The following GRIA4 variants were observed in gnomAD, a reference collection of about 807,000 sequenced individuals.
The protein encoded by GRIA4 is glutamate ionotropic receptor AMPA type subunit 4, also known as glutamate receptor 4.
In GRIA4, 34 loss-of-function variants were observed where a neutral mutation model predicts 104.0. The ratio of observed to expected loss-of-function variants is 0.33; its 90% CI spans 0.25 to 0.44. The LOEUF (loss-of-function observed/expected upper bound fraction) is 0.44, where lower values mean the gene tolerates loss of function less well. Among genes scored for constraint, GRIA4 ranks in the 20% least tolerant of loss-of-function variants. GRIA4 has a pLI of 1.00. For synonymous variants in GRIA4, 386 were observed against 381.9 expected (o/e 1.01, Z -0.13); for missense variants, 750 against 1,096.5 (o/e 0.68, Z 4.46).
In GRIA4 at chr11:105,643,371, A is replaced by C. The variant is rs142851569; in HGVS notation, c.247+30937A>C. Among the ~76,000 whole-genome samples the C allele has an allele frequency of 2.7e-3, 409 of 152,254 alleles. 1 individual carries two copies. The highest frequency in any genetic ancestry group is 9.5e-3 in the African/African-American group (396 of 41,560). On this transcript the variant is annotated intron_variant, in intron 3 of 16. Transcript: ENST00000282499. ...AGAAGATCCTATAGGATTCCTTAACATTGTTTTACTTTAGGAAATAATTGT... is the reference window on the plus strand; with the variant it reads ...AGAAGATCCTATAGGATTCCTTAACCTTGTTTTACTTTAGGAAATAATTGT...
chr11:105,912,207 T>C, intron 10 of GRIA4: 1 of 994,876 alleles, frequency 1.0e-6, no homozygotes, highest in Non-Finnish European at 1.2e-6. Flanking sequence ...GATGGAATTA[T>C]ATCACTCCAT....
At chr11:105,640,449 A>G (rs1951327240) in intron 3 of GRIA4, among the ~76,000 whole-genome samples, 1 of 151,922 alleles carries the variant, frequency 6.6e-6, no homozygotes, top group Non-Finnish European at 1.5e-5. Context: ...AAAAATGCAC[A>G]TACTAATTTT....
At position 105,887,529 on chromosome 11, in the gene GRIA4, T is replaced by C. The variant is rs1946307104; in HGVS notation, c.683T>C (p.Val228Ala). The C allele has an allele frequency of 2.1e-6, 3 of 1,416,458 alleles. No individual in the cohort carries two copies. Among genetic ancestry groups the C allele is most frequent in the Non-Finnish European group, 3.0e-6 (3 of 1,012,036 alleles). The allele number at this position is 1,416,458 out of a possible 1,614,324, so 87.7% of individuals were successfully genotyped here. Residue 228 changes from valine to alanine, a missense_variant, in exon 6 of 17, where the codon GTT becomes GCT. By Grantham distance (64) the Val-to-Ala change is moderately conservative. This residue lies in a region of GRIA4 where 410 missense variants were observed against 502.7 expected (regional missense o/e 0.82). Coordinates refer to ENST00000282499, the MANE Select transcript of GRIA4 (RefSeq NM_000829.4). The stretch of plus-strand genomic sequence containing the variant: ...CTTATATCTTCACAGATTGTAAGTG[T>C]TGGAAAGCATGTTAAAGGCTACCAT... ...LQNILEQIVS[V>A]GKHVKGYHYI...
chr11:105,854,239 G>A (rs914276404), intron 4 of GRIA4, among the ~76,000 whole-genome samples: 1 of 152,116 alleles, frequency 6.6e-6, no homozygotes, highest in Admixed American at 6.6e-5. Flanking sequence ...AAGAGGAATA[G>A]AAAAGCACAG....
chr11:105,865,240 C>T lies in GRIA4; in HGVS notation c.672+3032C>T, dbSNP rs547564494. 4.6e-5 allele frequency among the ~76,000 whole-genome samples: 7 copies of T among 152,276 alleles called. No homozygotes were observed. The South Asian group carries it at 1.4e-3, about 32-fold the overall frequency. On this transcript the variant is annotated intron_variant, in intron 5 of 16. Coordinates refer to ENST00000282499, the MANE Select transcript of GRIA4 (RefSeq NM_000829.4). Reference sequence around the variant, plus strand: ...GAAGAATGTATGTAAATATCACCCACTGAGTCATTTAAGAGAGTAGAAACA... The same window carrying T: ...GAAGAATGTATGTAAATATCACCCATTGAGTCATTTAAGAGAGTAGAAACA...
At chr11:105,804,215 C>A (rs1188966949) in intron 4 of GRIA4, among the ~76,000 whole-genome samples, 2 of 151,636 alleles carry the variant, frequency 1.3e-5, no homozygotes, top group Non-Finnish European at 2.9e-5. Flanking sequence ...TTTTTCTTAG[C>A]CTTTGAGGCA....
chr11:105,787,636 T>C (rs187812549), intron 4 of GRIA4, among the ~76,000 whole-genome samples: 2 of 147,446 alleles, frequency 1.4e-5, no homozygotes, highest in Admixed American at 6.8e-5. Context: ...CCACCAAGCC[T>C]GGCTAATTTT....
chr11:105,705,621 G>A (rs542735555), intron 3 of GRIA4, among the ~76,000 whole-genome samples: 1 of 152,234 alleles, frequency 6.6e-6, no homozygotes, highest in African/African-American at 2.4e-5. Flanking sequence ...GAGAGAGAGA[G>A]AGAGAGCTTA....
At chr11:105,658,714 G>A (rs774723098) in intron 3 of GRIA4, among the ~76,000 whole-genome samples, 2 of 151,764 alleles carry the variant, frequency 1.3e-5, no homozygotes, top group African/African-American at 2.4e-5. Flanking sequence ...TATAAGACTC[G>A]GCTCTGAAAG....
chr11:105,842,116 T>C (rs537735393), intron 4 of GRIA4, among the ~76,000 whole-genome samples: 1 of 152,010 alleles, frequency 6.6e-6, no homozygotes, highest in East Asian at 1.9e-4. Context: ...GCATTCAAGA[T>C]AGAGGAAAGA....
At chr11:105,661,757 A>C (rs531922942) in intron 3 of GRIA4, among the ~76,000 whole-genome samples, 1 of 151,920 alleles carries the variant, frequency 6.6e-6, no homozygotes, top group South Asian at 2.1e-4. Context: ...GGACGATGGA[A>C]TATGAGGTTT....
At chr11:105,771,048 GA>G (rs1941185590) in intron 4 of GRIA4, among the ~76,000 whole-genome samples, 2 of 151,778 alleles carry the variant, frequency 1.3e-5, no homozygotes, top group African/African-American at 4.8e-5. Context: ...CTATACACAT[GA>G]CTACACATAT....
chr11:105,780,904 T>C (rs1196314245), intron 4 of GRIA4, among the ~76,000 whole-genome samples: 2 of 152,056 alleles, frequency 1.3e-5, no homozygotes, highest in African/African-American at 4.8e-5. Flanking sequence ...AAAAGAAAAA[T>C]AGCAGGATAC....
rs573184302 is a variant in GRIA4, at chr11:105,851,337, A to T, written c.488-10687A>T. Among the ~76,000 whole-genome samples the T allele has an allele frequency of 1.4e-4, 21 of 152,328 alleles. 1 individual carries two copies. In the South Asian group the frequency reaches 4.1e-3, roughly 30 times the overall value. ...GTCTCATACTTAAAGGGAAGTAGAC[A>T]GGTAAACTAGCAATTACAGTTATAA... On this transcript the variant is annotated intron_variant, in intron 4 of 16. Transcript: ENST00000282499.
intron 14 of GRIA4, among the ~76,000 whole-genome samples, chr11:105,961,531 G>A (rs568565296): frequency 2.0e-5 from 3 of 152,208 alleles, no homozygotes; most frequent in Non-Finnish European, 4.4e-5. Context: ...GAGCACTCCA[G>A]TGAAGAGGTC....
At chr11:105,675,135 A>G (rs562951515) in intron 3 of GRIA4, among the ~76,000 whole-genome samples, 1 of 152,036 alleles carries the variant, frequency 6.6e-6, no homozygotes, top group Non-Finnish European at 1.5e-5. Flanking sequence ...TTAAGGGCAC[A>G]TGCTTTGAGC....
At chr11:105,737,218 T>C (rs1160645550) in intron 3 of GRIA4, among the ~76,000 whole-genome samples, 5 of 152,168 alleles carry the variant, frequency 3.3e-5, no homozygotes, top group Admixed American at 6.6e-5. Flanking sequence ...GTTGTCCTTC[T>C]TGGTGTACAG....
intron 4 of GRIA4, among the ~76,000 whole-genome samples, chr11:105,791,413 T>C (rs531481496): frequency 4.6e-5 from 7 of 152,302 alleles, no homozygotes; most frequent in African/African-American, 1.2e-4. Flanking sequence ...TGTTCTTCTA[T>C]AGAGTTGTAA....
At chr11:105,754,174 A>G (rs1280343539) in intron 4 of GRIA4, among the ~76,000 whole-genome samples, 4 of 152,120 alleles carry the variant, frequency 2.6e-5, no homozygotes, top group Admixed American at 1.3e-4. Context: ...ACCACCAGTT[A>G]TCTCATTAGC....
Sources: gnomAD v4.1 joint callset for allele counts (sites outside exome capture counted in the v4.1 genomes callset) on GRCh38, gnomAD v4.1.1 for gene constraint, gnomAD v4.1.1 regional missense constraint, MANE v1.5 for transcripts, NCBI Gene and HGNC (gene_info 2026-07-23, HGNC 2026-07-21) for gene names.